ADGRD1: variants seen among roughly 807,000 people sequenced by gnomAD.
ADGRD1 encodes the protein adhesion G protein-coupled receptor D1, also known as G-protein coupled receptor 133.
In ADGRD1, 77 loss-of-function variants were observed where a neutral mutation model predicts 113.4. The ratio of observed to expected loss-of-function variants is 0.68; its 90% CI spans 0.57 to 0.82. The LOEUF (loss-of-function observed/expected upper bound fraction) is 0.82. Ranked by LOEUF, ADGRD1 falls within the 40% of genes least tolerant of loss-of-function variation. The pLI, the probability that ADGRD1 is intolerant of heterozygous loss-of-function variation, is 0.00. For missense variants in ADGRD1, 1,036 were observed against 1,139.1 expected (o/e 0.91, Z 1.30); for synonymous variants, 474 against 475.0 (o/e 1.00, Z 0.03).
intron 6 of ADGRD1, chr12:130,989,098 G>A (rs1348522991): frequency 6.6e-6 from 1 of 152,172 alleles, no homozygotes; most frequent in Non-Finnish European, 1.5e-5. Flanking sequence ...CAGGAAAACG[G>A]AATGCATTCC....
chr12:130,997,339 C>G (rs1261079013), intron 8 of ADGRD1, among the ~76,000 whole-genome samples: 1 of 149,866 alleles, frequency 6.7e-6, no homozygotes, highest in Non-Finnish European at 1.5e-5. Flanking sequence ...GGGTGGCTGC[C>G]GGGCGGAGAC....
At chr12:131,036,309 C>T (rs1031968650) in intron 13 of ADGRD1, among the ~76,000 whole-genome samples, 3 of 151,894 alleles carry the variant, frequency 2.0e-5, no homozygotes, top group African/African-American at 4.8e-5. Context: ...TCACTCACTG[C>T]ACCGGGTCTT....
chr12:131,031,877 A>G (rs1320510412), intron 13 of ADGRD1, among the ~76,000 whole-genome samples: 1 of 152,164 alleles, frequency 6.6e-6, no homozygotes. Context: ...TCGTCCCCGC[A>G]CATGCCAGGT....
rs201991357 is a variant in ADGRD1, at chr12:130,992,234, C to A, written c.811-3C>A. 29 of 1,601,480 alleles carry A rather than the reference C, an allele frequency of 1.8e-5. No individual in the cohort carries two copies. In the African/African-American group the frequency reaches 3.6e-4, roughly 20 times the overall value. On this transcript the variant is annotated splice_region_variant and splice_polypyrimidine_tract_variant and intron_variant, in intron 7 of 24. Transcript: ENST00000261654. ...AGAAACTCATGTTGCCAATTTCTTTCAGATGCCCACAGATGCCTACCATCC... is the reference window on the plus strand; with the variant it reads ...AGAAACTCATGTTGCCAATTTCTTTAAGATGCCCACAGATGCCTACCATCC...
intron 20 of ADGRD1, among the ~76,000 whole-genome samples, chr12:131,123,179 G>C (rs1465095237): frequency 6.7e-6 from 1 of 149,712 alleles, no homozygotes; most frequent in African/African-American, 2.5e-5. Context: ...GCCTCAGCTG[G>C]GACTACAGGC....
Position 131,075,670 on chromosome 12 carries a change from G to A in ADGRD1, c.1474-1131G>A, listed in dbSNP as rs1046043127. Among the ~76,000 whole-genome samples the A allele has an allele frequency of 2.6e-5, 4 of 152,178 alleles. No individual in the cohort carries two copies. The highest frequency in any genetic ancestry group is 2.1e-4 in the South Asian group (1 of 4,828). On this transcript the variant is annotated intron_variant, in intron 13 of 24. Coordinates refer to ENST00000261654, the MANE Select transcript of ADGRD1 (RefSeq NM_198827.5). This position sits in a 1 kb window ranked among gnomAD's most constrained non-coding sequence, Gnocchi z 5.3. ...GTCCTTTGGTTCTGCAGTGGGGTCCGAGGTGCCTGTCAGGGGCACCAGAGC... is the reference window on the plus strand; with the variant it reads ...GTCCTTTGGTTCTGCAGTGGGGTCCAAGGTGCCTGTCAGGGGCACCAGAGC...
intron 13 of ADGRD1, chr12:131,069,886 G>C (rs1440571720): frequency 6.6e-6 from 1 of 152,166 alleles, no homozygotes; most frequent in Admixed American, 6.5e-5. Context: ...TATTTAAAAC[G>C]TGTTAATTAT....
Position 131,136,147 on chromosome 12 carries a change from C to T in ADGRD1, c.2378C>T (p.Thr793Met), listed in dbSNP as rs375488636. 2.7e-5 allele frequency: 43 copies of T among 1,614,026 alleles called. No homozygotes were observed. The highest frequency in any genetic ancestry group is 2.3e-4 in the African/African-American group (17 of 74,942). Residue 793 changes from threonine to methionine, a missense_variant, in exon 22 of 25, where the codon ACG becomes ATG. Transcript: ENST00000261654. ...GTGGTTTTCCAGTACATGTTTGCCA[C>T]GCTCAACTCCCTGCAGGTGAGAGCC... ...CAVVFQYMFA[T>M]LNSLQGLFIF...
At chr12:131,001,842 A>G (rs1876431574) in intron 9 of ADGRD1, among the ~76,000 whole-genome samples, 1 of 152,242 alleles carries the variant, frequency 6.6e-6, no homozygotes, top group Non-Finnish European at 1.5e-5. Flanking sequence ...TAAAGTGCTC[A>G]TTCTCCTAAG....
intron 15 of ADGRD1, among the ~76,000 whole-genome samples, chr12:131,095,126 G>T (rs773965433): frequency 6.6e-6 from 1 of 152,182 alleles, no homozygotes; most frequent in Admixed American, 6.5e-5. Flanking sequence ...CAGTCCCCCC[G>T]ACTCTCAGGC....
At chr12:131,105,298 A>T (rs190531027) in intron 16 of ADGRD1, among the ~76,000 whole-genome samples, 32 of 152,342 alleles carry the variant, frequency 2.1e-4, no homozygotes, top group Non-Finnish European at 3.5e-4. Context: ...GAGAACAAAC[A>T]TCTTCACTGT....
At chr12:131,126,787 G>A (rs1367240863) in intron 20 of ADGRD1, among the ~76,000 whole-genome samples, 1 of 152,146 alleles carries the variant, frequency 6.6e-6, no homozygotes, top group East Asian at 1.9e-4. Flanking sequence ...GTGGGGAGAT[G>A]CTTAGCTGCT....
chr12:131,127,033 C>T (rs902397276), intron 20 of ADGRD1, among the ~76,000 whole-genome samples: 3 of 150,520 alleles, frequency 2.0e-5, no homozygotes, highest in Middle Eastern at 3.4e-3. Flanking sequence ...GCCGCTCCTC[C>T]TCTTAGGAAG....
At chr12:130,969,237 T>G (rs1871343161) in intron 3 of ADGRD1, 1 of 602,032 alleles carries the variant, frequency 1.7e-6, no homozygotes, top group Non-Finnish European at 3.0e-6. Flanking sequence ...AAATAACCAC[T>G]AGGGTTAAGT....
chr12:131,047,809 A>G (rs573707743), intron 13 of ADGRD1, among the ~76,000 whole-genome samples: 21 of 152,288 alleles, frequency 1.4e-4, no homozygotes, highest in African/African-American at 4.3e-4. Flanking sequence ...CATCACCAAC[A>G]GCCACCCCCA....
At chr12:130,955,258 C>G (rs528198044) in intron 2 of ADGRD1, among the ~76,000 whole-genome samples, 1 of 152,016 alleles carries the variant, frequency 6.6e-6, no homozygotes, top group Non-Finnish European at 1.5e-5. Context: ...AGCCACCACA[C>G]CCATCTCATG....
At chr12:131,136,877 G>C in intron 22 of ADGRD1, 96 bp from the exon 23 acceptor site, 1 of 974,456 alleles carries the variant, frequency 1.0e-6, no homozygotes. Context: ...AGTGTGCGGT[G>C]CCAGTGCCAC....
At chr12:131,130,212 T>C (rs1371789972) in intron 20 of ADGRD1, among the ~76,000 whole-genome samples, 1 of 152,244 alleles carries the variant, frequency 6.6e-6, no homozygotes, top group East Asian at 1.9e-4. Flanking sequence ...TGACTTCTTT[T>C]CCCTTCCCTG....
chr12:131,113,233 G>GT lies in ADGRD1; in HGVS notation c.2041+4357dup, dbSNP rs1467642504. On this transcript the variant is annotated intron_variant, in intron 18 of 24. Transcript: ENST00000261654. The surrounding 1 kb of genome is among the most constrained non-coding windows in gnomAD (Gnocchi z 4.9). ...ATTTGCTGTAAACCCTTAGGAAAAT[G>GT]TACAGAGACTTTAAATGATTATGTT... is the stretch of plus-strand genomic sequence containing the variant. Among the ~76,000 whole-genome samples, 3 of 152,112 alleles carry GT rather than the reference G, an allele frequency of 2.0e-5. No individual in the cohort carries two copies. The highest frequency in any genetic ancestry group is 4.4e-5 in the Non-Finnish European group (3 of 68,034).
Sources: gnomAD v4.1 joint callset for allele counts (sites outside exome capture counted in the v4.1 genomes callset) on GRCh38, gnomAD v4.1.1 for gene constraint, Gnocchi (gnomAD v3.1) non-coding constraint, MANE v1.5 for transcripts, NCBI Gene and HGNC (gene_info 2026-07-23, HGNC 2026-07-21) for gene names.